Variants in ATRNL1 observed in about 807,000 individuals in gnomAD.
ATRNL1 encodes attractin like 1.
A neutral mutation model predicts 182.7 loss-of-function variants in ATRNL1; 95 were observed. The ratio of observed to expected loss-of-function variants is 0.52; its 90% CI spans 0.44 to 0.62. The LOEUF (loss-of-function observed/expected upper bound fraction) is 0.62. Among genes scored for constraint, ATRNL1 ranks in the 20% least tolerant of loss-of-function variants. The pLI is 0.00. For synonymous variants in ATRNL1, 576 were observed against 568.3 expected (o/e 1.01, Z -0.19); for missense variants, 1,471 against 1,679.5 (o/e 0.88, Z 2.17).
chr10:115,882,037 T>C (rs1951837168), intron 28 of ATRNL1, among the ~76,000 whole-genome samples: 1 of 152,186 alleles, frequency 6.6e-6, no homozygotes, highest in Admixed American at 6.5e-5. Context: ...TATGCAGTCT[T>C]TACTTATTTC....
intron 27 of ATRNL1, among the ~76,000 whole-genome samples, chr10:115,730,846 A>G (rs1555062530): frequency 1.3e-5 from 2 of 152,170 alleles, no homozygotes; most frequent in Non-Finnish European, 2.9e-5. Flanking sequence ...ACCTTACATG[A>G]TTACAAGGTC....
intron 24 of ATRNL1, among the ~76,000 whole-genome samples, chr10:115,509,468 G>C (rs1479768714): frequency 6.6e-6 from 1 of 151,938 alleles, no homozygotes; most frequent in African/African-American, 2.4e-5. Context: ...TGTTCTCTTG[G>C]TGCTGATAGT....
intron 19 of ATRNL1, among the ~76,000 whole-genome samples, chr10:115,389,574 A>ATG (rs1554953868): frequency 8.5e-6 from 1 of 117,102 alleles, no homozygotes; most frequent in African/African-American, 3.3e-5. Context: ...ATATATATAT[A>ATG]TATATATATA....
At chr10:115,202,086 C>T (rs1443397029) in intron 8 of ATRNL1, among the ~76,000 whole-genome samples, 4 of 151,970 alleles carry the variant, frequency 2.6e-5, no homozygotes, top group African/African-American at 9.7e-5. Flanking sequence ...GATTTTGTAT[C>T]CTGAGACTTT....
In ATRNL1 at chr10:115,908,476, T is replaced by C. The variant is rs527408384; in HGVS notation, c.4019-36182T>C. Among the ~76,000 whole-genome samples, 176 of 152,248 alleles carry C rather than the reference T, an allele frequency of 1.2e-3. 3 individuals are homozygous for C. The highest frequency in any genetic ancestry group is 7.1e-4 in the Non-Finnish European group (48 of 68,016). ...CTCACCCTGCACCCCTCTGACCTCCTCTTCTGCCTCCCTCTTCCCCTTTGA... is the reference window on the plus strand; with the variant it reads ...CTCACCCTGCACCCCTCTGACCTCCCCTTCTGCCTCCCTCTTCCCCTTTGA... On this transcript the variant is annotated intron_variant, in intron 28 of 28. Coordinates refer to ENST00000355044, the MANE Select transcript of ATRNL1 (RefSeq NM_207303.4).
intron 8 of ATRNL1, among the ~76,000 whole-genome samples, chr10:115,207,636 T>C (rs1848850001): frequency 6.6e-6 from 1 of 152,190 alleles, no homozygotes; most frequent in Non-Finnish European, 1.5e-5. Flanking sequence ...TTTTCCTTTG[T>C]TTTTAATATA....
At chr10:115,244,541 G>A (rs1850550822) in intron 10 of ATRNL1, among the ~76,000 whole-genome samples, 1 of 152,210 alleles carries the variant, frequency 6.6e-6, no homozygotes, top group Non-Finnish European at 1.5e-5. Flanking sequence ...AATACAGCTA[G>A]GGTGGTGAAT....
At chr10:115,547,254 CAA>C (rs58330605) in intron 25 of ATRNL1, among the ~76,000 whole-genome samples, 8,187 of 127,284 alleles carry the variant, frequency 0.064, 737 homozygotes, top group African/African-American at 0.21. Flanking sequence ...GACTCCATCT[CAA>C]AAAAAAAATA....
intron 1 of ATRNL1, among the ~76,000 whole-genome samples, chr10:115,098,696 A>T (rs1368295339): frequency 2.0e-5 from 3 of 151,636 alleles, no homozygotes; most frequent in African/African-American, 7.3e-5. Flanking sequence ...TGACCTCGTG[A>T]TCCACCCGCC....
At chr10:115,179,885 TATC>T (rs1323701388) in intron 8 of ATRNL1, among the ~76,000 whole-genome samples, 8 of 152,144 alleles carry the variant, frequency 5.3e-5, no homozygotes, top group Non-Finnish European at 1.0e-4. Context: ...TTAATATATT[TATC>T]ATCTTTCAAG....
intron 27 of ATRNL1, among the ~76,000 whole-genome samples, chr10:115,824,070 C>T (rs1391454638): frequency 1.3e-5 from 2 of 152,030 alleles, no homozygotes; most frequent in African/African-American, 4.8e-5. Context: ...ATACTGGTAC[C>T]AAAACAGATA....
chr10:115,336,930 C>G (rs1554936865), intron 19 of ATRNL1, among the ~76,000 whole-genome samples: 2 of 149,672 alleles, frequency 1.3e-5, no homozygotes, highest in African/African-American at 4.9e-5. Context: ...ACTGCAACCT[C>G]TGTGTCCTGG....
chr10:115,297,160 T>G (rs1853236860), intron 15 of ATRNL1, among the ~76,000 whole-genome samples: 1 of 152,148 alleles, frequency 6.6e-6, no homozygotes, highest in African/African-American at 2.4e-5. Flanking sequence ...ACTAGCTTAA[T>G]GGCTAGAGGA....
At position 115,616,461 on chromosome 10, in the gene ATRNL1, G is replaced by A. The variant is rs555224626; in HGVS notation, c.3795+66925G>A. Among the ~76,000 whole-genome samples the A allele has an allele frequency of 4.3e-4, 66 of 152,248 alleles. No homozygotes were observed. The East Asian group carries it at 5.8e-3, about 13-fold the overall frequency. On this transcript the variant is annotated intron_variant, in intron 26 of 28. Transcript: ENST00000355044. ...TTTGGGCAGGTAGGGGGATTCAAGTGGACTGCAGAAATTTGCAGAAGTAAA... is the reference window on the plus strand; with the variant it reads ...TTTGGGCAGGTAGGGGGATTCAAGTAGACTGCAGAAATTTGCAGAAGTAAA...
At chr10:115,842,056 A>C (rs1414337353) in intron 27 of ATRNL1, among the ~76,000 whole-genome samples, 2 of 152,130 alleles carry the variant, frequency 1.3e-5, no homozygotes, top group Non-Finnish European at 2.9e-5. Flanking sequence ...TAAGAATAGC[A>C]TTAGAAGTAT....
At chr10:115,671,765 AGTTT>A (rs1319132190) in intron 26 of ATRNL1, among the ~76,000 whole-genome samples, 2 of 152,104 alleles carry the variant, frequency 1.3e-5, no homozygotes, top group East Asian at 1.9e-4. Context: ...TTTTTTACGA[AGTTT>A]GTTTGTAAGT....
At chr10:115,389,495 C>T (rs1171447800) in intron 19 of ATRNL1, among the ~76,000 whole-genome samples, 5 of 61,918 alleles carry the variant, frequency 8.1e-5, no homozygotes, top group Middle Eastern at 9.6e-3. Flanking sequence ...CCCGAGACTC[C>T]GTCTCAAAAA....
At chr10:115,410,812 A>T (rs1845100864) in intron 20 of ATRNL1, among the ~76,000 whole-genome samples, 2 of 152,130 alleles carry the variant, frequency 1.3e-5, no homozygotes, top group African/African-American at 4.8e-5. Context: ...ATCTTGGCTC[A>T]CTGCAACCTC....
intron 18 of ATRNL1, among the ~76,000 whole-genome samples, chr10:115,316,079 A>T (rs1554929583): frequency 6.6e-6 from 1 of 151,968 alleles, no homozygotes; most frequent in Non-Finnish European, 1.5e-5. Context: ...TGCTGCTCCT[A>T]TTGACCCATC....
Sources: gnomAD v4.1 joint callset for allele counts (sites outside exome capture counted in the v4.1 genomes callset) on GRCh38, gnomAD v4.1.1 for gene constraint, MANE v1.5 for transcripts, NCBI Gene and HGNC (gene_info 2026-07-23, HGNC 2026-07-21) for gene names.